The following RAP1GAP variants were observed in gnomAD, a reference collection of about 807,000 sequenced individuals.
RAP1GAP encodes the protein RAP1 GTPase activating protein.
RAP1GAP carries 35 observed loss-of-function variants against 87.2 expected under a neutral mutation model. The observed-to-expected ratio is 0.40, with a 90% confidence interval of 0.31 to 0.53. The LOEUF is 0.53. Ranked by LOEUF, RAP1GAP falls within the 20% of genes least tolerant of loss-of-function variation. The pLI is 0.48. For synonymous variants in RAP1GAP, 375 were observed against 363.9 expected (o/e 1.03, Z -0.35); for missense variants, 734 against 898.9 (o/e 0.82, Z 2.35).
intron 3 of RAP1GAP, among the ~76,000 whole-genome samples, chr1:21,621,930 G>A (rs1286902031): frequency 2.0e-5 from 3 of 152,240 alleles, no homozygotes; most frequent in Non-Finnish European, 4.4e-5. Flanking sequence ...AGCCTCAGAG[G>A]GAGCAGCAGA....
At chr1:21,599,383 G>A in intron 21 of RAP1GAP, 111 bp downstream of exon 21, 3 of 1,463,860 alleles carry the variant, frequency 2.0e-6, no homozygotes, top group East Asian at 4.6e-5. Context: ...CGGGTCCCCT[G>A]ATCACATCTC....
At chr1:21,636,861 G>A (rs1324888179) in intron 2 of RAP1GAP, among the ~76,000 whole-genome samples, 2 of 147,036 alleles carry the variant, frequency 1.4e-5, no homozygotes, top group South Asian at 2.2e-4. Flanking sequence ...GGAGGAGGAG[G>A]AGGAGGAGGG....
chr1:21,608,252 C>G lies in RAP1GAP; in HGVS notation c.1257G>C (p.Glu419Asp), dbSNP rs1325563657. Residue 419 changes from glutamate (E) to aspartate (D), a missense_variant, in exon 17 of 25, where the codon GAG becomes GAC. Glu to Asp is a conservative substitution (Grantham distance 45, BLOSUM62 2). This residue lies in a region of RAP1GAP where 485 missense variants were observed against 646.2 expected (regional missense o/e 0.75). Transcript: ENST00000374765. ...MGLGGDEDKMENGSGGGGFFE... is the reference protein window; with the variant it reads ...MGLGGDEDKMDNGSGGGGFFE... ...AGAAGCCGCCGCCCCCACTGCCATT[C>G]TCCATCTTGTCCTCGTCGCCGCCCA... 1 of 1,613,994 alleles carries G rather than the reference C, an allele frequency of 6.2e-7. No individual in the cohort carries two copies.
chr1:21,668,633 T>C lies in RAP1GAP; in HGVS notation c.-149+621A>G, dbSNP rs1267891882. On this transcript the variant is annotated intron_variant, in intron 1 of 24. Transcript: ENST00000374765. This position sits in a 1 kb window ranked among gnomAD's most constrained non-coding sequence, Gnocchi z 6.2. ...AACCGCCCCGTGAATTCCCACCGAG[T>C]CCTCAGATCCTGCCGAGCCAGGGGA... The C allele has an allele frequency of 1.3e-5, 2 of 150,334 alleles. No homozygotes were observed. Among genetic ancestry groups the C allele is most frequent in the Admixed American group, 6.6e-5 (1 of 15,112 alleles). 9.3% of individuals were successfully genotyped at this position (150,334 alleles called of 1,614,324 possible).
chr1:21,652,896 GA>G (rs2096675897), intron 1 of RAP1GAP, among the ~76,000 whole-genome samples: 1 of 152,198 alleles, frequency 6.6e-6, no homozygotes, highest in Admixed American at 6.5e-5. Context: ...TGCACCCAAG[GA>G]GGCCCCCACA....
chr1:21,608,067 CCCA>C, intron 17 of RAP1GAP, 143 bp downstream of exon 17: 1 of 1,247,366 alleles, frequency 8.0e-7, no homozygotes, highest in Non-Finnish European at 1.1e-6. Flanking sequence ...GTGTCAATCC[CCCA>C]GTCCGGGACT....
At chr1:21,612,911 C>A in intron 10 of RAP1GAP, 1 of 520,974 alleles carries the variant, frequency 1.9e-6, no homozygotes, top group South Asian at 2.3e-5. Flanking sequence ...CCAAACATCA[C>A]AGAGGTTCCA....
At chr1:21,659,480 G>T (rs2097021625) in intron 1 of RAP1GAP, among the ~76,000 whole-genome samples, 1 of 151,914 alleles carries the variant, frequency 6.6e-6, no homozygotes. Flanking sequence ...TCTCCCCGGC[G>T]CCAGGCGCCG....
chr1:21,600,539 T>G (rs1459933322), intron 20 of RAP1GAP, among the ~76,000 whole-genome samples: 1 of 152,132 alleles, frequency 6.6e-6, no homozygotes, highest in Non-Finnish European at 1.5e-5. Flanking sequence ...TCTTAAAGCA[T>G]CGCCCTCGTA....
chr1:21,607,833 A>C (rs115051087), intron 17 of RAP1GAP, among the ~76,000 whole-genome samples: 5,346 of 152,046 alleles, frequency 0.035, 142 homozygotes, highest in Non-Finnish European at 0.054. Flanking sequence ...CCCCGCCCTC[A>C]TCCCAGACTA....
rs2094410698 is a variant in RAP1GAP, at chr1:21,634,741, G to C, written c.-112-8344C>G. The C allele has an allele frequency of 2.1e-6, 1 of 470,870 alleles. No homozygotes were observed. Among genetic ancestry groups the C allele is most frequent in the Non-Finnish European group, 4.3e-6 (1 of 233,610 alleles). 29.2% of individuals were successfully genotyped at this position (470,870 alleles called of 1,614,324 possible). Reference sequence around the variant, plus strand: ...GTCCCTGCCCAGGGCACAGCATCTGGGAACCAGGCCACCCATTTACCTGCT... The same window carrying C: ...GTCCCTGCCCAGGGCACAGCATCTGCGAACCAGGCCACCCATTTACCTGCT... On this transcript the variant is annotated intron_variant, in intron 2 of 24. Coordinates refer to ENST00000374765, the MANE Select transcript of RAP1GAP (RefSeq NM_002885.4). The surrounding 1 kb of genome is among the most constrained non-coding windows in gnomAD (Gnocchi z 4.1).
At position 21,606,202 on chromosome 1, in the gene RAP1GAP, G is replaced by A. The variant is rs865494; in HGVS notation, c.1297-5C>T. The A allele has an allele frequency of 2.5e-6, 4 of 1,575,812 alleles. No homozygotes were observed. The highest frequency in any genetic ancestry group is 3.4e-6 in the Non-Finnish European group (4 of 1,162,446). On this transcript the variant is annotated splice_polypyrimidine_tract_variant and splice_region_variant and intron_variant, in intron 17 of 24. Coordinates refer to ENST00000374765, the MANE Select transcript of RAP1GAP (RefSeq NM_002885.4). Reference sequence around the variant, plus strand: ...GCTGCGGCTCCGGATGACCCGCTGTGAAGGGGGTGGCAGTGGAGGAGGCAC... The same window carrying A: ...GCTGCGGCTCCGGATGACCCGCTGTAAAGGGGGTGGCAGTGGAGGAGGCAC...
At chr1:21,605,828 G>C (rs1179695839) in intron 18 of RAP1GAP, among the ~76,000 whole-genome samples, 4 of 152,256 alleles carry the variant, frequency 2.6e-5, no homozygotes, top group African/African-American at 9.6e-5. Context: ...AGGAGGAGGG[G>C]AGGGCCAAGG....
intron 1 of RAP1GAP, chr1:21,651,658 C>A: frequency 1.9e-6 from 2 of 1,035,260 alleles, no homozygotes; most frequent in Non-Finnish European, 2.9e-6. Flanking sequence ...GCTCAGCCCC[C>A]ACAGCAGTCA....
chr1:21,621,417 G>GCA (rs143818631), intron 3 of RAP1GAP, among the ~76,000 whole-genome samples: 1 of 152,002 alleles, frequency 6.6e-6, no homozygotes, highest in Non-Finnish European at 1.5e-5. Flanking sequence ...GCCCTCACCC[G>GCA]CACACACACA....
chr1:21,609,714 C>A lies in RAP1GAP; in HGVS notation c.1000-68G>T. 8.0e-7 allele frequency: 1 copy of A among 1,252,642 alleles called. No homozygotes were observed. Among genetic ancestry groups the A allele is most frequent in the Non-Finnish European group, 1.1e-6 (1 of 914,778 alleles). The allele number at this position is 1,252,642 out of a possible 1,614,324, so 77.6% of individuals were successfully genotyped here. On this transcript the variant is annotated intron_variant, in intron 14 of 24. Coordinates refer to ENST00000374765, the MANE Select transcript of RAP1GAP (RefSeq NM_002885.4). This position sits in a 1 kb window ranked among gnomAD's most constrained non-coding sequence, Gnocchi z 4.4. ...CTGCTCTGCCCCACCCAGCCAGAAA[C>A]CCCTACTGTGCCTCCCTGGACTGCC... is the stretch of plus-strand genomic sequence containing the variant.
intron 2 of RAP1GAP, among the ~76,000 whole-genome samples, chr1:21,646,653 G>T (rs988153114): frequency 1.3e-4 from 20 of 152,248 alleles, no homozygotes; most frequent in Middle Eastern, 3.4e-3. Flanking sequence ...TTTTCAGAAC[G>T]CTCCTACCTT....
At chr1:21,597,553 G>T in intron 24 of RAP1GAP, 133 bp downstream of exon 24, 1 of 924,104 alleles carries the variant, frequency 1.1e-6, no homozygotes, top group Non-Finnish European at 1.6e-6. Context: ...AGCAACTGAG[G>T]ACCAGGGGGC....
chr1:21,623,337 T>C (rs534141441), intron 3 of RAP1GAP, among the ~76,000 whole-genome samples: 1 of 152,352 alleles, frequency 6.6e-6, no homozygotes, highest in South Asian at 2.1e-4. Flanking sequence ...CTGTAGGCCC[T>C]TCCAGCTGGC....
Sources: allele counts gnomAD v4.1 joint callset (sites outside exome capture counted in the v4.1 genomes callset), GRCh38; gene constraint gnomAD v4.1.1; regional missense constraint gnomAD v4.1.1; non-coding constraint Gnocchi (gnomAD v3.1); transcripts MANE v1.5; gene names NCBI Gene and HGNC (gene_info 2026-07-23, HGNC 2026-07-21).